TMTC2: variants seen among roughly 807,000 people sequenced by gnomAD.
TMTC2 encodes the protein protein O-mannosyl-transferase TMTC2.
In TMTC2, 43 loss-of-function variants were observed where a neutral mutation model predicts 82.4. The observed-to-expected ratio is 0.52, with a 90% CI of 0.41 to 0.67. TMTC2 has a LOEUF of 0.67. Ranked by LOEUF, TMTC2 falls within the 30% of genes least tolerant of loss-of-function variation. The pLI is 0.00. For synonymous variants in TMTC2, 408 were observed against 381.9 expected, an observed-to-expected ratio of 1.07 and a Z score of -0.80; for missense variants, 919 against 1,012.4, an observed-to-expected ratio of 0.91 and a Z score of 1.25.
At chr12:82,980,545 G>C (rs1031747925) in intron 7 of TMTC2, among the ~76,000 whole-genome samples, 1 of 151,744 alleles carries the variant, frequency 6.6e-6, no homozygotes, top group Non-Finnish European at 1.5e-5. Flanking sequence ...TGTATTAGGG[G>C]CTGGAAGCCT....
intron 1 of TMTC2, among the ~76,000 whole-genome samples, chr12:82,835,967 A>G (rs1273709817): frequency 6.6e-6 from 1 of 152,222 alleles, no homozygotes; most frequent in Admixed American, 6.5e-5. Context: ...AATATTTTGA[A>G]TATCACCCCT....
Position 82,816,410 on chromosome 12 carries a change from G to A in TMTC2, c.84-40600G>A, listed in dbSNP as rs77542472. On this transcript the variant is annotated intron_variant, in intron 1 of 11. Coordinates refer to ENST00000321196, the MANE Select transcript of TMTC2 (RefSeq NM_152588.3). Reference sequence around the variant, plus strand: ...GTCCCTCACCCTAGAAATGGGCTCCGTTAACACTTGTTAATTCTTTGGGGG... The same window carrying A: ...GTCCCTCACCCTAGAAATGGGCTCCATTAACACTTGTTAATTCTTTGGGGG... 7.4e-3 allele frequency among the ~76,000 whole-genome samples: 1,122 copies of A among 152,094 alleles called. 10 individuals are homozygous for A. Among genetic ancestry groups the A allele is most frequent in the Non-Finnish European group, 0.012 (814 of 67,992 alleles).
At chr12:82,718,507 C>T (rs182727964) in intron 1 of TMTC2, among the ~76,000 whole-genome samples, 87 of 152,258 alleles carry the variant, frequency 5.7e-4, no homozygotes, top group African/African-American at 1.9e-3. Flanking sequence ...TATTAAGTGA[C>T]GGAGTCCATA....
chr12:83,002,782 A>ATTTT (rs35975291), intron 8 of TMTC2, among the ~76,000 whole-genome samples: 3 of 148,056 alleles, frequency 2.0e-5, no homozygotes, highest in Non-Finnish European at 4.5e-5. Context: ...TAAGATTTTG[A>ATTTT]TTTTTTTTTT....
chr12:82,845,332 G>A, intron 1 of TMTC2, among the ~76,000 whole-genome samples: 1 of 141,648 alleles, frequency 7.1e-6, no homozygotes, highest in Admixed American at 7.2e-5. Flanking sequence ...AGACCTTATT[G>A]TAGGGGAAAC....
intron 1 of TMTC2, among the ~76,000 whole-genome samples, chr12:82,794,320 A>G (rs1592527294): frequency 6.6e-6 from 1 of 152,102 alleles, no homozygotes; most frequent in East Asian, 1.9e-4. Flanking sequence ...AAAGGTATAA[A>G]TGATGCACGT....
intron 8 of TMTC2, among the ~76,000 whole-genome samples, chr12:83,008,633 G>C (rs921606272): frequency 2.0e-5 from 3 of 152,164 alleles, no homozygotes; most frequent in Non-Finnish European, 2.9e-5. Flanking sequence ...TGTAAGTCTG[G>C]TTTTGATGCT....
chr12:82,775,304 C>T lies in TMTC2; in HGVS notation c.84-81706C>T, dbSNP rs11115412. Among the ~76,000 whole-genome samples, 11 of 151,634 alleles carry T rather than the reference C, an allele frequency of 7.3e-5. 1 individual carries two copies. The highest frequency in any genetic ancestry group is 5.3e-4 in the Admixed American group (8 of 15,212). The stretch of plus-strand genomic sequence containing the variant: ...TCTTTATAAAAAATTAAAAAAAATA[C>T]CCAGGCATGGTGGTGTGTGCCTCTG... On this transcript the variant is annotated intron_variant, in intron 1 of 11. Transcript: ENST00000321196.
At chr12:82,712,554 G>A (rs1873683269) in intron 1 of TMTC2, among the ~76,000 whole-genome samples, 2 of 152,136 alleles carry the variant, frequency 1.3e-5, no homozygotes, top group Admixed American at 1.3e-4. Flanking sequence ...CGTGGGCCAG[G>A]GAGTCTGATG....
intron 11 of TMTC2, among the ~76,000 whole-genome samples, chr12:83,074,467 C>T (rs1310611562): frequency 6.6e-6 from 1 of 152,052 alleles, no homozygotes; most frequent in Admixed American, 6.5e-5. Flanking sequence ...CAAGTGGGGG[C>T]AGGGCTAGGC....
chr12:83,021,207 G>A (rs1880906709), intron 8 of TMTC2, among the ~76,000 whole-genome samples: 1 of 151,930 alleles, frequency 6.6e-6, no homozygotes, highest in Non-Finnish European at 1.5e-5. Context: ...TCATTGCAAG[G>A]TATCCGATTT....
intron 1 of TMTC2, among the ~76,000 whole-genome samples, chr12:82,820,699 T>C (rs976397874): frequency 4.6e-5 from 7 of 152,182 alleles, no homozygotes; most frequent in Admixed American, 3.9e-4. Flanking sequence ...CTATGTTATG[T>C]TTTTATTCAC....
chr12:82,932,096 C>G lies in TMTC2; in HGVS notation c.1598+1551C>G, dbSNP rs1185153288. On this transcript the variant is annotated intron_variant, in intron 4 of 11. Transcript: ENST00000321196. Reference sequence around the variant, plus strand: ...AACTTTTAAAATGTGTATTTATGCTCTGGTTAGCTGAATCTTTTGTATTGG... The same window carrying G: ...AACTTTTAAAATGTGTATTTATGCTGTGGTTAGCTGAATCTTTTGTATTGG... Among the ~76,000 whole-genome samples, 3 of 152,034 alleles carry G rather than the reference C, an allele frequency of 2.0e-5. No individual in the cohort carries two copies. The East Asian group carries it at 5.8e-4, about 29-fold the overall frequency.
intron 1 of TMTC2, among the ~76,000 whole-genome samples, chr12:82,853,901 C>T (rs961319715): frequency 6.7e-6 from 1 of 149,970 alleles, no homozygotes; most frequent in East Asian, 1.9e-4. Flanking sequence ...TTGAAATAAG[C>T]TCTTTCTGGC....
chr12:82,759,013 C>T (rs773458319), intron 1 of TMTC2: 1 of 152,056 alleles, frequency 6.6e-6, no homozygotes, highest in Non-Finnish European at 1.5e-5. Flanking sequence ...TTCCGAGCAT[C>T]AGTTTCATCA....
At chr12:83,043,088 A>G (rs1379301102) in intron 9 of TMTC2, among the ~76,000 whole-genome samples, 2 of 152,222 alleles carry the variant, frequency 1.3e-5, no homozygotes, top group Non-Finnish European at 2.9e-5. Flanking sequence ...GAATAAAGGG[A>G]AGGCTAGAGA....
chr12:83,097,236 A>G (rs1293416677), intron 11 of TMTC2, among the ~76,000 whole-genome samples: 1 of 152,184 alleles, frequency 6.6e-6, no homozygotes, highest in Non-Finnish European at 1.5e-5. Flanking sequence ...CTGTGTCCTG[A>G]AAAGGATATA....
chr12:82,951,054 CAG>C (rs1209177276), intron 4 of TMTC2, among the ~76,000 whole-genome samples: 1 of 151,994 alleles, frequency 6.6e-6, no homozygotes, highest in Admixed American at 6.6e-5. Context: ...AGAAGGATAC[CAG>C]AGAGAGGGCT....
intron 1 of TMTC2, among the ~76,000 whole-genome samples, chr12:82,839,806 A>G (rs1194045389): frequency 4.6e-5 from 7 of 152,196 alleles, no homozygotes; most frequent in Non-Finnish European, 5.9e-5. Context: ...ACAGTGATAT[A>G]AGTCCTGTAA....
Sources: gnomAD v4.1 joint callset for allele counts (sites outside exome capture counted in the v4.1 genomes callset) on GRCh38, gnomAD v4.1.1 for gene constraint, MANE v1.5 for transcripts, NCBI Gene and HGNC (gene_info 2026-07-23, HGNC 2026-07-21) for gene names.